The following DNAAF9 variants were observed in gnomAD, a reference collection of about 807,000 sequenced individuals.
DNAAF9 encodes the protein dynein axonemal assembly factor 9, also known as shulin.
In DNAAF9, 90 loss-of-function variants were observed where a neutral mutation model predicts 167.0. That is an observed-to-expected ratio of 0.54 (90% CI 0.45 to 0.64). DNAAF9 has a LOEUF of 0.64. DNAAF9 is among the 30% of genes least tolerant of loss of function. The pLI is 0.00. For missense variants in DNAAF9, 1,315 were observed against 1,442.2 expected, an observed-to-expected ratio of 0.91 and a Z score of 1.43; for synonymous variants, 491 against 508.8, an observed-to-expected ratio of 0.96 and a Z score of 0.47.
chr20:3,381,345 T>C lies in DNAAF9; in HGVS notation c.283+34A>G, dbSNP rs764392446. ...ATCCAAATAAATAAACCTCTTACTC[T>C]TCTATCACACAGAGTTTACCAATAT... On this transcript the variant is annotated intron_variant, in intron 3 of 36. Transcript: ENST00000252032. The C allele has an allele frequency of 4.5e-6, 7 of 1,548,730 alleles. No individual in the cohort carries two copies. The East Asian group carries it at 1.4e-4, about 31-fold the overall frequency.
chr20:3,282,825 G>A (rs1034089885), intron 27 of DNAAF9, among the ~76,000 whole-genome samples: 2 of 152,088 alleles, frequency 1.3e-5, no homozygotes, highest in African/African-American at 4.8e-5. Flanking sequence ...CTCCCTTCAG[G>A]TCTCTGCTCA....
chr20:3,406,867 T>C (rs2084065616), intron 1 of DNAAF9, among the ~76,000 whole-genome samples: 1 of 150,946 alleles, frequency 6.6e-6, no homozygotes, highest in Non-Finnish European at 1.5e-5. Flanking sequence ...CAGGGGGAGC[T>C]GGGGAAACGC....
chr20:3,340,660 C>T (rs772133468), intron 9 of DNAAF9, 21 bp from the exon 10 acceptor site: 10 of 1,613,206 alleles, frequency 6.2e-6, no homozygotes, highest in Non-Finnish European at 8.5e-6. Context: ...AAGTCAAAAA[C>T]ATGTGATTAG....
rs986702852 is a variant in DNAAF9, at chr20:3,250,845, G to C, written c.*1727C>G. 6 of 152,148 alleles carry C rather than the reference G, an allele frequency of 3.9e-5. No individual in the cohort carries two copies. Among genetic ancestry groups the C allele is most frequent in the Non-Finnish European group, 8.8e-5 (6 of 68,030 alleles). The allele number at this position is 152,148 out of a possible 1,614,324, so 9.4% of individuals were successfully genotyped here. Reference sequence around the variant, plus strand: ...CCCTTTTCTAAGGCTGCTCAAGTTTGAGTTTTTAAAAAGAGTTCGGTAGAG... The same window carrying C: ...CCCTTTTCTAAGGCTGCTCAAGTTTCAGTTTTTAAAAAGAGTTCGGTAGAG... On this transcript the variant is annotated 3_prime_UTR_variant, in exon 37 of 37. Transcript: ENST00000252032.
chr20:3,310,259 GAGAGAAAGAA>G (rs1417061795), intron 20 of DNAAF9, among the ~76,000 whole-genome samples: 4 of 147,502 alleles, frequency 2.7e-5, no homozygotes, highest in Non-Finnish European at 4.5e-5. Context: ...GAGAGAGAGA[GAGAGAAAGAA>G]AGAGAAAGAA....
chr20:3,360,868 G>C (rs1394463029), intron 6 of DNAAF9, among the ~76,000 whole-genome samples: 5 of 152,200 alleles, frequency 3.3e-5, no homozygotes, highest in Admixed American at 3.3e-4. Context: ...GTGTCTTCAT[G>C]TGGCCTTTCT....
rs1370283710 is a variant in DNAAF9 at position 3,270,414 on chromosome 20, A to ATCTGG, written c.2786+12_2786+13insCCAGA. ...GAAAGCAACTGGTCTTGCAGAGTGA[A>ATCTGG]TCTATAGATTACCTGGTGACAATCC... On this transcript the variant is annotated intron_variant, in intron 30 of 36. Coordinates refer to ENST00000252032, the MANE Select transcript of DNAAF9 (RefSeq NM_001009984.3). The ATCTGG allele has an allele frequency of 1.2e-6, 2 of 1,612,198 alleles. No homozygotes were observed. Among genetic ancestry groups the ATCTGG allele is most frequent in the Admixed American group, 3.3e-5 (2 of 60,020 alleles).
intron 3 of DNAAF9, among the ~76,000 whole-genome samples, chr20:3,378,024 C>T (rs1568638021): frequency 6.6e-6 from 1 of 152,206 alleles, no homozygotes; most frequent in Admixed American, 6.5e-5. Flanking sequence ...AATACTCCCC[C>T]TACCATGGCC....
intron 6 of DNAAF9, among the ~76,000 whole-genome samples, chr20:3,366,616 CTT>C (rs930456326): frequency 8.5e-5 from 13 of 152,140 alleles, no homozygotes; most frequent in African/African-American, 2.7e-4. Context: ...TAGGCACTGA[CTT>C]CTCTCTATTT....
rs148785050 is a variant in DNAAF9, at chr20:3,277,094, T to TAC, written c.2650+1816_2650+1817dup. 9.0e-3 allele frequency among the ~76,000 whole-genome samples: 1,369 copies of TAC among 152,300 alleles called. 19 individuals are homozygous for TAC. Among genetic ancestry groups the TAC allele is most frequent in the African/African-American group, 0.032 (1,315 of 41,550 alleles). On this transcript the variant is annotated intron_variant, in intron 29 of 36. Coordinates refer to ENST00000252032, the MANE Select transcript of DNAAF9 (RefSeq NM_001009984.3). Reference sequence around the variant, plus strand: ...AGTATTCTCTAGCCATCTTCCTTTTTACAGCCCCAAGCACTCTAGAATATC... The same window carrying TAC: ...AGTATTCTCTAGCCATCTTCCTTTTTACACAGCCCCAAGCACTCTAGAATATC...
intron 1 of DNAAF9, among the ~76,000 whole-genome samples, chr20:3,395,742 C>A (rs1237806695): frequency 6.6e-6 from 1 of 152,056 alleles, no homozygotes; most frequent in Admixed American, 6.5e-5. Context: ...ATTTTATATA[C>A]CCTTGTGTCA....
At chr20:3,353,104 TAC>T (rs1284176361) in intron 7 of DNAAF9, among the ~76,000 whole-genome samples, 4 of 139,680 alleles carry the variant, frequency 2.9e-5, no homozygotes, top group South Asian at 2.2e-4. Flanking sequence ...ATATAATATA[TAC>T]AGATATATAT....
At chr20:3,290,953 T>G (rs1036245692) in intron 25 of DNAAF9, among the ~76,000 whole-genome samples, 4 of 152,124 alleles carry the variant, frequency 2.6e-5, no homozygotes, top group Non-Finnish European at 5.9e-5. Flanking sequence ...CATACCCAGC[T>G]AATTTTTTCA....
intron 10 of DNAAF9, among the ~76,000 whole-genome samples, chr20:3,333,656 C>T (rs944926581): frequency 4.0e-5 from 6 of 151,382 alleles, no homozygotes; most frequent in African/African-American, 1.5e-4. Context: ...AAAACATGTT[C>T]CTTGGATCTC....
chr20:3,310,433 C>T (rs1485930754), intron 20 of DNAAF9, among the ~76,000 whole-genome samples: 1 of 151,536 alleles, frequency 6.6e-6, no homozygotes, highest in Non-Finnish European at 1.5e-5. Context: ...GCCTGTAATC[C>T]CAGCACTTTG....
chr20:3,362,553 GT>G (rs1344130101), intron 6 of DNAAF9, among the ~76,000 whole-genome samples: 5 of 151,688 alleles, frequency 3.3e-5, no homozygotes, highest in Admixed American at 6.6e-5. Context: ...CTACTCCAGG[GT>G]GTCTCAACAG....
intron 29 of DNAAF9, among the ~76,000 whole-genome samples, chr20:3,276,379 A>AT (rs1222838837): frequency 6.6e-6 from 1 of 152,198 alleles, no homozygotes; most frequent in African/African-American, 2.4e-5. Context: ...CGAAAACAGC[A>AT]TATGTGGCCT....
intron 1 of DNAAF9, among the ~76,000 whole-genome samples, chr20:3,385,382 A>C (rs1166744791): frequency 6.6e-6 from 1 of 152,168 alleles, no homozygotes; most frequent in Admixed American, 6.6e-5. Context: ...TGAGTTCAAC[A>C]AGGCTTCAAG....
At chr20:3,259,338 C>T (rs548091268) in intron 33 of DNAAF9, 142 bp downstream of exon 33, 27 of 686,302 alleles carry the variant, frequency 3.9e-5, no homozygotes, top group Non-Finnish European at 6.5e-5. Flanking sequence ...AGCCTGATGG[C>T]GTGAAGGCCC....
Sources: gnomAD v4.1 joint callset for allele counts (sites outside exome capture counted in the v4.1 genomes callset) on GRCh38, gnomAD v4.1.1 for gene constraint, MANE v1.5 for transcripts, NCBI Gene and HGNC (gene_info 2026-07-23, HGNC 2026-07-21) for gene names.